The following SLC9B1 variants were observed in gnomAD, a reference collection of about 807,000 sequenced individuals.
SLC9B1 encodes the protein solute carrier family 9 member B1.
In SLC9B1, 32 loss-of-function variants were observed where a neutral mutation model predicts 51.7. The observed-to-expected ratio is 0.62, with a 90% CI of 0.47 to 0.83. The LOEUF (loss-of-function observed/expected upper bound fraction) is 0.83. Among genes scored for constraint, SLC9B1 ranks in the 40% least tolerant of loss-of-function variants. The pLI is 0.00. For missense variants in SLC9B1, 406 were observed against 613.2 expected (o/e 0.66, Z 3.57); for synonymous variants, 145 against 212.7 (o/e 0.68, Z 2.77).
chr4:102,938,400 C>G (rs1251316731), intron 6 of SLC9B1, among the ~76,000 whole-genome samples: 2 of 152,182 alleles, frequency 1.3e-5, no homozygotes, highest in African/African-American at 4.8e-5. Context: ...TATAGAGAAA[C>G]TTAGATAACC....
intron 1 of SLC9B1, among the ~76,000 whole-genome samples, chr4:103,016,140 A>AAAAAAAAAAAAAAAC (rs1741315772): frequency 6.7e-6 from 1 of 149,594 alleles, no homozygotes; most frequent in Non-Finnish European, 1.5e-5. Flanking sequence ...GTCTCAAAAA[A>AAAAAAAAAAAAAAAC]AAAAAAAAAA....
intron 7 of SLC9B1, among the ~76,000 whole-genome samples, chr4:102,925,707 AAAAG>A (rs1423581559): frequency 1.3e-5 from 2 of 151,602 alleles, no homozygotes; most frequent in Non-Finnish European, 2.9e-5. Context: ...TCCAAAAAAA[AAAAG>A]AAAGAAAAAA....
chr4:102,988,057 T>C (rs975725305), intron 3 of SLC9B1, among the ~76,000 whole-genome samples: 8 of 152,162 alleles, frequency 5.3e-5, no homozygotes, highest in Non-Finnish European at 2.9e-5. Flanking sequence ...GACTGCTAAC[T>C]TCATAAAACT....
At chr4:102,995,327 G>C (rs1201049330) in intron 1 of SLC9B1, among the ~76,000 whole-genome samples, 1 of 152,138 alleles carries the variant, frequency 6.6e-6, no homozygotes. Context: ...TCATATTATA[G>C]AGATCAAGGT....
At chr4:102,991,186 G>A (rs981264755) in intron 2 of SLC9B1, among the ~76,000 whole-genome samples, 7 of 151,540 alleles carry the variant, frequency 4.6e-5, no homozygotes, top group South Asian at 2.1e-4. Flanking sequence ...AAAAAAATAC[G>A]AAATTTACAA....
intron 3 of SLC9B1, among the ~76,000 whole-genome samples, chr4:102,984,498 C>T (rs79155496): frequency 0.013 from 1,970 of 152,176 alleles, 26 homozygotes; most frequent in Non-Finnish European, 0.018. Context: ...TTAAGTATTT[C>T]GGGATGTTAA....
At chr4:102,935,658 A>G (rs981300679) in intron 6 of SLC9B1, among the ~76,000 whole-genome samples, 1 of 152,234 alleles carries the variant, frequency 6.6e-6, no homozygotes, top group African/African-American at 2.4e-5. Context: ...AAAAGAACAA[A>G]TTGTAAAGTA....
intron 6 of SLC9B1, among the ~76,000 whole-genome samples, chr4:102,932,677 G>T (rs527341579): frequency 2.6e-5 from 4 of 152,234 alleles, no homozygotes; most frequent in Admixed American, 2.0e-4. Flanking sequence ...ATTGAAAAAA[G>T]GAAACCATAA....
At chr4:102,939,019 C>T (rs1333067311) in intron 6 of SLC9B1, among the ~76,000 whole-genome samples, 4 of 151,392 alleles carry the variant, frequency 2.6e-5, no homozygotes, top group Non-Finnish European at 4.4e-5. Context: ...AAAGAAATAA[C>T]CAAAATCAGA....
rs145884572 is a variant in SLC9B1 at position 102,986,050 on chromosome 4, C to T, written c.211+3750G>A. On this transcript the variant is annotated intron_variant, in intron 3 of 11. Transcript: ENST00000296422. Reference sequence around the variant, plus strand: ...AATTTTATCTTTGTGTATTTCCTTTCGAATATTCTTCCTTTTTTACATAGA... The same window carrying T: ...AATTTTATCTTTGTGTATTTCCTTTTGAATATTCTTCCTTTTTTACATAGA... 1.4e-3 allele frequency among the ~76,000 whole-genome samples: 211 copies of T among 152,108 alleles called. No homozygotes were observed. In the Middle Eastern group the frequency reaches 0.017, roughly 12 times the overall value.
At chr4:102,892,028 T>C (rs1210220172) in intron 11 of SLC9B1, 1 of 152,178 alleles carries the variant, frequency 6.6e-6, no homozygotes, top group Non-Finnish European at 1.5e-5. Context: ...CTTGCTATAT[T>C]TGATCATGTT....
chr4:102,976,557 A>G (rs947215343), intron 3 of SLC9B1, among the ~76,000 whole-genome samples: 2 of 152,242 alleles, frequency 1.3e-5, no homozygotes, highest in African/African-American at 4.8e-5. Flanking sequence ...AATAAAAAAG[A>G]CAGAAATGTT....
chr4:102,986,034 T>C (rs1233527545), intron 3 of SLC9B1, among the ~76,000 whole-genome samples: 1 of 152,182 alleles, frequency 6.6e-6, no homozygotes, highest in African/African-American at 2.4e-5. Flanking sequence ...AAATTTTATC[T>C]TTGTGTATTT....
chr4:103,008,070 A>T (rs958898888), intron 1 of SLC9B1, among the ~76,000 whole-genome samples: 2 of 152,196 alleles, frequency 1.3e-5, no homozygotes, highest in Non-Finnish European at 2.9e-5. Context: ...AGTTTAAAAA[A>T]TTTTTATGCT....
At chr4:102,959,820 T>G (rs1283869275) in intron 3 of SLC9B1, among the ~76,000 whole-genome samples, 2 of 152,158 alleles carry the variant, frequency 1.3e-5, no homozygotes, top group Non-Finnish European at 2.9e-5. Flanking sequence ...CACTGTATTT[T>G]ATAAAAAGTA....
At chr4:102,982,468 G>A (rs943888770) in intron 3 of SLC9B1, among the ~76,000 whole-genome samples, 3 of 152,088 alleles carry the variant, frequency 2.0e-5, no homozygotes, top group Admixed American at 6.6e-5. Context: ...GATTGGGATT[G>A]CATTGAATCA....
At chr4:102,936,381 C>T (rs79479918) in intron 6 of SLC9B1, among the ~76,000 whole-genome samples, 2 of 152,186 alleles carry the variant, frequency 1.3e-5, no homozygotes, top group East Asian at 1.9e-4. Context: ...AGCAATCATA[C>T]TAACTCTCTA....
intron 1 of SLC9B1, among the ~76,000 whole-genome samples, chr4:102,999,938 T>G (rs751422985): frequency 6.6e-6 from 1 of 152,130 alleles, no homozygotes; most frequent in Non-Finnish European, 1.5e-5. Context: ...TCAGGAAACT[T>G]ACAATCAAGT....
chr4:102,930,603 C>G (rs978946749), intron 7 of SLC9B1, among the ~76,000 whole-genome samples: 27 of 151,932 alleles, frequency 1.8e-4, no homozygotes, highest in Non-Finnish European at 3.2e-4. Flanking sequence ...CAGGGTTTCA[C>G]CATGTTGGTT....
Sources: allele counts gnomAD v4.1 joint callset (sites outside exome capture counted in the v4.1 genomes callset), GRCh38; gene constraint gnomAD v4.1.1; transcripts MANE v1.5; gene names NCBI Gene and HGNC (gene_info 2026-07-23, HGNC 2026-07-21).